Variants in NUFIP2 observed in about 807,000 individuals in gnomAD.
NUFIP2 encodes the protein FMR1-interacting protein NUFIP2.
A neutral mutation model predicts 56.9 loss-of-function variants in NUFIP2; 6 were observed. The ratio of observed to expected loss-of-function variants is 0.11; its 90% CI spans 0.06 to 0.21. The LOEUF (loss-of-function observed/expected upper bound fraction) is 0.21. NUFIP2 is among the 10% of genes least tolerant of loss of function. The probability of loss-of-function intolerance (pLI) is 1.00; values close to 1 mark genes in which losing one functional copy is unlikely to be tolerated. For missense variants in NUFIP2, 828 were observed against 826.8 expected (o/e 1.00, Z -0.02); for synonymous variants, 321 against 298.2 (o/e 1.08, Z -0.79).
intron 2 of NUFIP2, among the ~76,000 whole-genome samples, chr17:29,272,727 G>A (rs778453648): frequency 6.6e-6 from 1 of 152,090 alleles, no homozygotes; most frequent in Non-Finnish European, 1.5e-5. Context: ...TATATTATTG[G>A]AAAAGGAGCA....
intron 2 of NUFIP2, among the ~76,000 whole-genome samples, chr17:29,276,786 A>G (rs960071865): frequency 2.6e-5 from 4 of 152,230 alleles, no homozygotes; most frequent in Admixed American, 2.0e-4. Flanking sequence ...AATACTATTC[A>G]TAAGTCAGCC....
intron 2 of NUFIP2, among the ~76,000 whole-genome samples, chr17:29,283,852 C>G (rs1282213572): frequency 1.3e-5 from 2 of 152,178 alleles, no homozygotes; most frequent in Admixed American, 6.5e-5. Flanking sequence ...CTTCAAAGAG[C>G]AGAGCTGGAG....
intron 2 of NUFIP2, among the ~76,000 whole-genome samples, chr17:29,276,022 C>T (rs560156076): frequency 2.1e-4 from 24 of 113,502 alleles, no homozygotes; most frequent in Non-Finnish European, 2.9e-4. Context: ...AGTAAGACTC[C>T]GTCTCAAATA....
chr17:29,264,706 A>G, intron 3 of NUFIP2, 115 bp from the exon 4 acceptor site: 2 of 600,796 alleles, frequency 3.3e-6, no homozygotes, highest in Non-Finnish European at 6.0e-6. Context: ...TATGAAAACA[A>G]AACTTCAAGC....
chr17:29,268,227 T>C (rs1182381238), intron 2 of NUFIP2, among the ~76,000 whole-genome samples: 1 of 152,208 alleles, frequency 6.6e-6, no homozygotes, highest in Admixed American at 6.5e-5. Context: ...TTAAGTGTCA[T>C]GTAGATTATT....
At position 29,293,869 on chromosome 17, in the gene NUFIP2, C is replaced by T; in HGVS notation, c.191G>A (p.Gly64Asp). ...CGGCTTTGGCTGGGCCTTGGGGCTG[C>T]CCTCGGCTCCATGCTGCAGGTATTG... ...PHQYLQHGAE[G>D]SPKAQPKPLK... The change falls in exon 1 of 4, where the codon GGC becomes GAC. Residue 64 changes from glycine (G) to aspartate (D), a missense_variant. By Grantham distance (94) the Gly-to-Asp change is moderately conservative. Coordinates refer to ENST00000225388, the MANE Select transcript of NUFIP2 (RefSeq NM_020772.3). The T allele has an allele frequency of 6.2e-7, 1 of 1,613,440 alleles. No individual in the cohort carries two copies. Among genetic ancestry groups the T allele is most frequent in the Non-Finnish European group, 8.5e-7 (1 of 1,179,586 alleles).
At position 29,286,362 on chromosome 17, in the gene NUFIP2, C is replaced by G. The variant is rs745311269; in HGVS notation, c.1632G>C (p.Leu544Phe). 1 of 1,614,058 alleles carries G rather than the reference C, an allele frequency of 6.2e-7. No individual in the cohort carries two copies. The highest frequency in any genetic ancestry group is 8.5e-7 in the Non-Finnish European group (1 of 1,180,046). The change falls in exon 2 of 4, where the codon TTG becomes TTC. Residue 544 changes from leucine (L) to phenylalanine (F), a missense_variant. Coordinates refer to ENST00000225388, the MANE Select transcript of NUFIP2 (RefSeq NM_020772.3). ...GAATTATTTCAGCACCCTGTGAAAC[C>G]AAAGTAGCAGGATATTCTCCTTGAA... Reference protein sequence around the residue: ...VTFQGEYPATLVSQGAEIIPS... With the variant: ...VTFQGEYPATFVSQGAEIIPS...
intron 2 of NUFIP2, among the ~76,000 whole-genome samples, chr17:29,270,885 T>C (rs1013947236): frequency 3.3e-5 from 5 of 152,202 alleles, no homozygotes; most frequent in African/African-American, 1.2e-4. Context: ...AAGTAACATT[T>C]CCTTTTTTCT....
At chr17:29,272,240 CTTT>C (rs750900881) in intron 2 of NUFIP2, among the ~76,000 whole-genome samples, 13 of 133,104 alleles carry the variant, frequency 9.8e-5, no homozygotes, top group Non-Finnish European at 8.2e-5. Context: ...GAAATGTGTT[CTTT>C]TTTTTTTTTT....
intron 1 of NUFIP2, among the ~76,000 whole-genome samples, chr17:29,293,101 G>C (rs1313931106): frequency 1.3e-5 from 2 of 151,454 alleles, no homozygotes; most frequent in African/African-American, 4.8e-5. Context: ...GAACATTCCA[G>C]CCGCGCCGGC....
At chr17:29,293,115 G>C (rs566257056) in intron 1 of NUFIP2, among the ~76,000 whole-genome samples, 8 of 151,846 alleles carry the variant, frequency 5.3e-5, no homozygotes, top group South Asian at 4.2e-4. Flanking sequence ...CGCCGGCTCT[G>C]GGGGGAGCGG....
intron 2 of NUFIP2, among the ~76,000 whole-genome samples, chr17:29,269,954 T>C (rs2069061877): frequency 6.6e-6 from 1 of 152,044 alleles, no homozygotes; most frequent in African/African-American, 2.4e-5. Context: ...ACTTCTGATC[T>C]TGTGATCCAC....
At chr17:29,280,999 GAAAAGA>G (rs1424932958) in intron 2 of NUFIP2, among the ~76,000 whole-genome samples, 2 of 150,720 alleles carry the variant, frequency 1.3e-5, no homozygotes, top group African/African-American at 4.9e-5. Context: ...AAAAAGAAAG[GAAAAGA>G]AAAGTTAGGA....
Position 29,287,038 on chromosome 17 carries a change from G to T in NUFIP2, c.956C>A (p.Pro319His). Residue 319 changes from proline to histidine, a missense_variant, in exon 2 of 4, where the codon CCC (proline) becomes CAC (histidine). Transcript: ENST00000225388. ...GVSSKKFDDR[P>H]KGKHASAVAS... ...AACAGCTGAAGCATGCTTTCCTTTG[G>T]GCCGATCATCAAACTTTTTGCTGCT... 2.5e-6 allele frequency: 4 copies of T among 1,614,006 alleles called. No homozygotes were observed. Among genetic ancestry groups the T allele is most frequent in the Non-Finnish European group, 3.4e-6 (4 of 1,180,004 alleles).
At chr17:29,291,988 C>A (rs1372777491) in intron 1 of NUFIP2, among the ~76,000 whole-genome samples, 1 of 152,186 alleles carries the variant, frequency 6.6e-6, no homozygotes, top group Admixed American at 6.5e-5. Context: ...ATTTGATACG[C>A]TGGGTTTAAC....
chr17:29,267,276 A>T (rs2069043669), intron 3 of NUFIP2, among the ~76,000 whole-genome samples: 1 of 149,252 alleles, frequency 6.7e-6, no homozygotes, highest in African/African-American at 2.5e-5. Flanking sequence ...CTGGTCTTGA[A>T]CTCCTGGACT....
rs1344628304 is a variant in NUFIP2 at position 29,258,247 on chromosome 17, C to T, written c.*6292G>A. ...CCTCCACCTCATTTGGTGTTTCCCA[C>T]CCATTATTTTGGGTTCAATCACCTT... On this transcript the variant is annotated 3_prime_UTR_variant, in exon 4 of 4. Coordinates refer to ENST00000225388, the MANE Select transcript of NUFIP2 (RefSeq NM_020772.3). The T allele has an allele frequency of 6.6e-6, 1 of 152,150 alleles. No homozygotes were observed. Among genetic ancestry groups the T allele is most frequent in the East Asian group, 1.9e-4 (1 of 5,202 alleles). 9.4% of individuals were successfully genotyped at this position (152,150 alleles called of 1,614,324 possible).
rs1302681306 is a variant in NUFIP2, at chr17:29,256,006, G to A, written c.*8533C>T. The A allele has an allele frequency of 6.6e-6, 1 of 152,110 alleles. No individual in the cohort carries two copies. The highest frequency in any genetic ancestry group is 6.5e-5 in the Admixed American group (1 of 15,276). The allele number at this position is 152,110 out of a possible 1,614,324, so 9.4% of individuals were successfully genotyped here. ...GAACATGATGAAGACATCAATAAAG[G>A]AAGATCATCACGTAAATGACACTTC... is the stretch of plus-strand genomic sequence containing the variant. On this transcript the variant is annotated 3_prime_UTR_variant, in exon 4 of 4. Transcript: ENST00000225388.
chr17:29,273,497 T>TACACACACAAACACAC (rs2069088671), intron 2 of NUFIP2, among the ~76,000 whole-genome samples: 1 of 148,962 alleles, frequency 6.7e-6, no homozygotes, highest in East Asian at 2.0e-4. Context: ...TGCTCTCTTC[T>TACACACACAAACACAC]ACACACACAC....
Sources: gnomAD v4.1 joint callset for allele counts (sites outside exome capture counted in the v4.1 genomes callset) on GRCh38, gnomAD v4.1.1 for gene constraint, MANE v1.5 for transcripts, NCBI Gene and HGNC (gene_info 2026-07-23, HGNC 2026-07-21) for gene names.